Variants in PGBD2 observed in about 807,000 individuals in gnomAD.
PGBD2 encodes piggyBac transposable element-derived protein 2.
A neutral mutation model predicts 8.1 loss-of-function variants in PGBD2; 6 were observed. That is an observed-to-expected ratio of 0.74 (90% confidence interval 0.40 to 1.46). The LOEUF (loss-of-function observed/expected upper bound fraction) is 1.46, where lower values mean the gene tolerates loss of function less well. Among genes scored for constraint, PGBD2 ranks in the 40% most tolerant of loss-of-function variants. The pLI, the probability that PGBD2 is intolerant of heterozygous loss-of-function variation, is 0.02. For synonymous variants in PGBD2, 318 were observed against 272.2 expected, an observed-to-expected ratio of 1.17 and a Z score of -1.66; for missense variants, 802 against 739.0, an observed-to-expected ratio of 1.09 and a Z score of -0.99.
At chr1:248,908,486 A>C (rs1418667050) in intron 1 of PGBD2, among the ~76,000 whole-genome samples, 1 of 151,964 alleles carries the variant, frequency 6.6e-6, no homozygotes, top group Non-Finnish European at 1.5e-5. Flanking sequence ...CCCCTCAACC[A>C]ATTATCCAGG....
the PGBD2 span, among the ~76,000 whole-genome samples, chr1:248,874,470 T>C: frequency 6.6e-6 from 1 of 152,212 alleles, no homozygotes. Context: ...CTGCAGTTTA[T>C]GCGCGCCGTA....
At chr1:248,925,755 C>G in the PGBD2 span, among the ~76,000 whole-genome samples, 3 of 151,998 alleles carry the variant, frequency 2.0e-5, no homozygotes, top group Non-Finnish European at 4.4e-5. Context: ...AGAATTGGAG[C>G]TAAGAGGAAA....
the PGBD2 span, among the ~76,000 whole-genome samples, chr1:248,897,658 G>C: frequency 6.6e-6 from 1 of 152,168 alleles, no homozygotes; most frequent in Non-Finnish European, 1.5e-5. Context: ...GCTGAAGCTT[G>C]AAAATTCCTG....
At chr1:248,887,406 C>T in the PGBD2 span, among the ~76,000 whole-genome samples, 2 of 152,094 alleles carry the variant, frequency 1.3e-5, no homozygotes, top group South Asian at 2.1e-4. Flanking sequence ...GTTGAATGGC[C>T]CTGAGTTTGA....
At chr1:248,899,245 C>T in the PGBD2 span, among the ~76,000 whole-genome samples, 2 of 152,130 alleles carry the variant, frequency 1.3e-5, no homozygotes, top group Non-Finnish European at 2.9e-5. Context: ...AGATCTGAAT[C>T]AAGTGGATCT....
the PGBD2 span, among the ~76,000 whole-genome samples, chr1:248,894,522 T>C: frequency 6.6e-6 from 1 of 152,198 alleles, no homozygotes; most frequent in Non-Finnish European, 1.5e-5. Context: ...GAGACTATCA[T>C]TTTCCTATTG....
At chr1:248,910,829 T>G (rs1357430687) in intron 1 of PGBD2, among the ~76,000 whole-genome samples, 1 of 152,206 alleles carries the variant, frequency 6.6e-6, no homozygotes, top group African/African-American at 2.4e-5. Context: ...ATAGAGGAAT[T>G]TGTTTTTTTT....
At chr1:248,884,273 A>G in the PGBD2 span, among the ~76,000 whole-genome samples, 2 of 152,274 alleles carry the variant, frequency 1.3e-5, no homozygotes, top group South Asian at 2.1e-4. Flanking sequence ...TTTCAGCCCA[A>G]CGAAACCAGT....
Position 248,917,037 on chromosome 1 carries a change from A to G in PGBD2, c.453A>G (p.Glu151=). 2 of 1,613,786 alleles carry G rather than the reference A, an allele frequency of 1.2e-6. No individual in the cohort carries two copies. The highest frequency in any genetic ancestry group is 1.7e-6 in the Non-Finnish European group (2 of 1,179,950). Residue 151 remains glutamate (E), a synonymous_variant, in exon 3 of 3, where the codon GAA becomes GAG. Coordinates refer to ENST00000329291, the MANE Select transcript of PGBD2 (RefSeq NM_170725.3). ...GCCTTTTTGAGTTGTTTTTTGATGAAGGAACAATTAATTTCATTGTTAATG... is the reference window on the plus strand; with the variant it reads ...GCCTTTTTGAGTTGTTTTTTGATGAGGGAACAATTAATTTCATTGTTAATG... The part of the protein sequence containing the change: ...PVGLFELFFD[E]GTINFIVNET...
downstream of PGBD2, among the ~76,000 whole-genome samples, chr1:248,921,511 A>G (rs1041246836): frequency 4.6e-5 from 7 of 152,198 alleles, no homozygotes; most frequent in African/African-American, 1.7e-4. Flanking sequence ...TTTTGGTACC[A>G]GTACCATGCT....
chr1:248,907,191 T>G (rs936808479), intron 1 of PGBD2, among the ~76,000 whole-genome samples: 1 of 152,208 alleles, frequency 6.6e-6, no homozygotes, highest in African/African-American at 2.4e-5. Context: ...AGAATTTATG[T>G]CATAAGTTCA....
chr1:248,918,291 G>C lies in PGBD2; in HGVS notation c.1707G>C (p.Gln569His). 1 of 1,603,182 alleles carries C rather than the reference G, an allele frequency of 6.2e-7. No individual in the cohort carries two copies. Among genetic ancestry groups the C allele is most frequent in the Non-Finnish European group, 8.5e-7 (1 of 1,174,250 alleles). Residue 569 changes from glutamine (Q) to histidine (H), a missense_variant, in exon 3 of 3, where the codon CAG becomes CAC. Gln to His is a conservative substitution (Grantham distance 24). Transcript: ENST00000329291. The part of the protein sequence containing the change: ...KRTRCALCHS[Q>H]TNTRCEKCQK... ...CCCGGTGTGCCCTCTGCCACTCACA[G>C]ACCAACACCCGGTGTGAGAAGTGCC...
chr1:248,887,734 C>T, the PGBD2 span, among the ~76,000 whole-genome samples: 1 of 152,066 alleles, frequency 6.6e-6, no homozygotes, highest in Non-Finnish European at 1.5e-5. Flanking sequence ...TAGGTTGTGG[C>T]AAAAGTGATT....
At chr1:248,928,028 G>T in the PGBD2 span, among the ~76,000 whole-genome samples, 1 of 152,024 alleles carries the variant, frequency 6.6e-6, no homozygotes, top group African/African-American at 2.4e-5. Context: ...CACAACCCAG[G>T]GTGTTTCGAC....
the PGBD2 span, among the ~76,000 whole-genome samples, chr1:248,891,715 T>G: frequency 6.6e-6 from 1 of 152,072 alleles, no homozygotes; most frequent in Non-Finnish European, 1.5e-5. Context: ...TCCTAGGTAC[T>G]AGGGAAGCTG....
At chr1:248,907,748 G>A (rs1661710063) in intron 1 of PGBD2, among the ~76,000 whole-genome samples, 1 of 152,196 alleles carries the variant, frequency 6.6e-6, no homozygotes, top group Non-Finnish European at 1.5e-5. Context: ...ACATGTTTTT[G>A]TGAGGTCAAG....
chr1:248,873,278 C>G, the PGBD2 span, among the ~76,000 whole-genome samples: 20 of 152,216 alleles, frequency 1.3e-4, no homozygotes, highest in African/African-American at 3.6e-4. Flanking sequence ...GCCTGACTTC[C>G]CTCACCTCAG....
intron 1 of PGBD2, among the ~76,000 whole-genome samples, chr1:248,907,823 A>G (rs892323684): frequency 2.6e-5 from 4 of 152,216 alleles, no homozygotes; most frequent in Admixed American, 2.0e-4. Flanking sequence ...GCAATTGTTC[A>G]AGGTACAGGT....
At position 248,918,525 on chromosome 1, in the gene PGBD2, TTG is replaced by T; in HGVS notation, c.*166_*167del. On this transcript the variant is annotated 3_prime_UTR_variant, in exon 3 of 3. Transcript: ENST00000329291. ...CAATACAGTTATCTTTTTTATTGTG[TTG>T]TGTTATGCCTACATGTGATATAAAT... is the stretch of plus-strand genomic sequence containing the variant. 1 of 553,550 alleles carries T rather than the reference TTG, an allele frequency of 1.8e-6. No homozygotes were observed. The highest frequency in any genetic ancestry group is 3.1e-6 in the Non-Finnish European group (1 of 321,906). The allele number at this position is 553,550 out of a possible 1,614,324, so 34.3% of individuals were successfully genotyped here.
Sources: allele counts gnomAD v4.1 joint callset (sites outside exome capture counted in the v4.1 genomes callset), GRCh38; gene constraint gnomAD v4.1.1; transcripts MANE v1.5; gene names NCBI Gene and HGNC (gene_info 2026-07-23, HGNC 2026-07-21).